Variants in ELP4 observed in about 807,000 individuals in gnomAD.
ELP4 encodes elongator acetyltransferase complex subunit 4, also known as elongator complex protein 4.
In ELP4, 51 loss-of-function variants were observed where a neutral mutation model predicts 48.9. That is an observed-to-expected ratio of 1.04 (90% confidence interval 0.83 to 1.32). The LOEUF (loss-of-function observed/expected upper bound fraction) is 1.32. Among genes scored for constraint, ELP4 ranks in the 40% most tolerant of loss-of-function variants. The probability of loss-of-function intolerance (pLI) is 0.00; values close to 1 mark genes in which losing one functional copy is unlikely to be tolerated. For missense variants in ELP4, 519 were observed against 514.6 expected, an observed-to-expected ratio of 1.01 and a Z score of -0.08; for synonymous variants, 210 against 189.2, an observed-to-expected ratio of 1.11 and a Z score of -0.90.
intron 3 of ELP4, among the ~76,000 whole-genome samples, chr11:31,576,864 A>T (rs554093319): frequency 1.3e-5 from 2 of 152,214 alleles, no homozygotes; most frequent in African/African-American, 4.8e-5. Context: ...TGACACCCTA[A>T]CATCACAATT....
At chr11:31,520,880 AC>A (rs1189932869) in intron 2 of ELP4, among the ~76,000 whole-genome samples, 1 of 152,018 alleles carries the variant, frequency 6.6e-6, no homozygotes. Flanking sequence ...CTTTTTATGC[AC>A]CTTCTAGTCT....
chr11:31,723,791 G>A (rs1189747889), intron 9 of ELP4, among the ~76,000 whole-genome samples: 1 of 152,130 alleles, frequency 6.6e-6, no homozygotes, highest in Non-Finnish European at 1.5e-5. Flanking sequence ...ACTTATTTAT[G>A]CACTGAAAAA....
At chr11:31,584,813 C>T (rs531855669) in intron 3 of ELP4, among the ~76,000 whole-genome samples, 1 of 152,262 alleles carries the variant, frequency 6.6e-6, no homozygotes, top group South Asian at 2.1e-4. Context: ...GCATGAGCCA[C>T]CACGCCCGGC....
chr11:31,718,580 G>A (rs1045421999), intron 9 of ELP4, among the ~76,000 whole-genome samples: 9 of 152,172 alleles, frequency 5.9e-5, no homozygotes, highest in African/African-American at 1.9e-4. Flanking sequence ...TCAACTAGGA[G>A]TGTCTTCACT....
In ELP4 at chr11:31,509,991, C is replaced by T; in HGVS notation, c.207C>T (p.Ala69=). Residue 69 remains alanine, a synonymous_variant, in exon 1 of 10, where the codon GCC becomes GCT. Coordinates refer to ENST00000640961, the MANE Select transcript of ELP4 (RefSeq NM_019040.5). Reference sequence around the variant, plus strand: ...TGCTGGTATCAACCGGGCTCCCAGCCCTAGACCAGCTCTTAGGTCGGTTCA... The same window carrying T: ...TGCTGGTATCAACCGGGCTCCCAGCTCTAGACCAGCTCTTAGGTCGGTTCA... ...GQLLVSTGLP[A]LDQLLGGGLA... is the part of the protein sequence containing the mutation. 1 of 1,611,844 alleles carries T rather than the reference C, an allele frequency of 6.2e-7. No individual in the cohort carries two copies. Among genetic ancestry groups the T allele is most frequent in the African/African-American group, 1.3e-5 (1 of 74,974 alleles).
At chr11:31,763,543 G>A in intron 9 of ELP4, 1 of 1,608,906 alleles carries the variant, frequency 6.2e-7, no homozygotes, top group Non-Finnish European at 8.5e-7. Context: ...GAGCTTCCTT[G>A]CAAAGGGTAT....
intron 7 of ELP4, among the ~76,000 whole-genome samples, chr11:31,644,630 A>C (rs866729766): frequency 2.3e-4 from 35 of 151,682 alleles, no homozygotes; most frequent in African/African-American, 8.5e-4. Flanking sequence ...TTAAGCTGTT[A>C]ATTTTATATT....
At chr11:31,645,617 T>G (rs1339554652) in intron 7 of ELP4, 1 of 151,748 alleles carries the variant, frequency 6.6e-6, no homozygotes, top group Non-Finnish European at 1.5e-5. Context: ...TTTCAGATAT[T>G]TAGATAAAAA....
intron 3 of ELP4, among the ~76,000 whole-genome samples, chr11:31,554,003 A>G (rs1040258589): frequency 3.3e-5 from 5 of 152,188 alleles, no homozygotes; most frequent in Non-Finnish European, 7.3e-5. Context: ...TCATAGGAGC[A>G]TGAACCCTAT....
chr11:31,775,243 C>T (rs968034295), intron 9 of ELP4, among the ~76,000 whole-genome samples: 4 of 152,180 alleles, frequency 2.6e-5, no homozygotes, highest in African/African-American at 7.2e-5. Context: ...ATCAGGGCTC[C>T]ACTCCAGAAC....
At chr11:31,699,177 C>CA (rs889767655) in intron 9 of ELP4, among the ~76,000 whole-genome samples, 3 of 151,770 alleles carry the variant, frequency 2.0e-5, no homozygotes, top group Admixed American at 6.6e-5. Flanking sequence ...TCTTCCTCCA[C>CA]AAAAAATAAA....
At chr11:31,665,356 C>T (rs377431524) in intron 9 of ELP4, among the ~76,000 whole-genome samples, 25 of 151,982 alleles carry the variant, frequency 1.6e-4, no homozygotes, top group Admixed American at 1.6e-3. Flanking sequence ...CCCTCTCGCT[C>T]TCTCTCTCTA....
chr11:31,537,827 G>C (rs1463842518), intron 2 of ELP4, among the ~76,000 whole-genome samples: 3 of 152,058 alleles, frequency 2.0e-5, no homozygotes, highest in African/African-American at 7.2e-5. Context: ...TTTGGGCAGG[G>C]ACACAGACCC....
chr11:31,587,620 CTTTA>C (rs979188818), intron 3 of ELP4, among the ~76,000 whole-genome samples: 3 of 151,662 alleles, frequency 2.0e-5, no homozygotes, highest in East Asian at 3.9e-4. Flanking sequence ...TTCCATTTTA[CTTTA>C]TTTTTGTTTT....
Position 31,537,697 on chromosome 11 carries a change from C to A in ELP4, c.260-1965C>A, listed in dbSNP as rs939973628. On this transcript the variant is annotated intron_variant, in intron 2 of 9. Coordinates refer to ENST00000640961, the MANE Select transcript of ELP4 (RefSeq NM_019040.5). ...GGAGGTGCTACACACTTTTAAACAA[C>A]CAGATCTCATGATAACTCACTATCA... 3.3e-5 allele frequency among the ~76,000 whole-genome samples: 5 copies of A among 152,184 alleles called. No homozygotes were observed. In the East Asian group the frequency reaches 9.7e-4, roughly 29 times the overall value.
chr11:31,644,447 T>G (rs1158981781), intron 7 of ELP4, among the ~76,000 whole-genome samples: 4 of 151,788 alleles, frequency 2.6e-5, no homozygotes, highest in Non-Finnish European at 5.9e-5. Flanking sequence ...GTGAATAACA[T>G]AAAAACACTT....
chr11:31,510,369 G>T, intron 1 of ELP4: 1 of 458,352 alleles, frequency 2.2e-6, no homozygotes. Flanking sequence ...GCTTTCTCCA[G>T]GCAGCTCACG....
At chr11:31,614,751 A>G (rs1288276505) in intron 5 of ELP4, among the ~76,000 whole-genome samples, 6 of 152,178 alleles carry the variant, frequency 3.9e-5, no homozygotes, top group African/African-American at 7.2e-5. Context: ...TAATAATTCA[A>G]ATGTAATCAC....
intron 9 of ELP4, chr11:31,651,410 T>A (rs1459437507): frequency 6.6e-6 from 1 of 151,514 alleles, no homozygotes; most frequent in Non-Finnish European, 1.5e-5. Context: ...TCTGCAGGAG[T>A]GTTAGAAGTT....
Sources: gnomAD v4.1 joint callset for allele counts (sites outside exome capture counted in the v4.1 genomes callset) on GRCh38, gnomAD v4.1.1 for gene constraint, MANE v1.5 for transcripts, NCBI Gene and HGNC (gene_info 2026-07-23, HGNC 2026-07-21) for gene names.